Variants in ADD3 observed in about 807,000 individuals in gnomAD.
ADD3 encodes the protein adducin 3.
Under a neutral mutation model 80.2 loss-of-function variants are expected in ADD3, and 25 were observed. The observed-to-expected ratio is 0.31, with a 90% CI of 0.23 to 0.44. ADD3 has a LOEUF of 0.44. Ranked by LOEUF, ADD3 falls within the 20% of genes least tolerant of loss-of-function variation. The pLI is 1.00. For missense variants in ADD3, 829 were observed against 847.5 expected (o/e 0.98, Z 0.27); for synonymous variants, 284 against 289.6 (o/e 0.98, Z 0.20).
intron 1 of ADD3, among the ~76,000 whole-genome samples, chr10:110,071,361 T>G (rs977382008): frequency 8.5e-5 from 13 of 152,196 alleles, no homozygotes; most frequent in Non-Finnish European, 1.8e-4. Context: ...TAATCAACAG[T>G]AATGTATACT....
chr10:110,099,286 T>A (rs1307943430), intron 1 of ADD3, among the ~76,000 whole-genome samples: 1 of 151,952 alleles, frequency 6.6e-6, no homozygotes, highest in Non-Finnish European at 1.5e-5. Flanking sequence ...GTACTATTTT[T>A]AAAATATTAA....
At chr10:110,130,993 C>T (rs1431067889) in intron 13 of ADD3, among the ~76,000 whole-genome samples, 1 of 152,052 alleles carries the variant, frequency 6.6e-6, no homozygotes, top group Non-Finnish European at 1.5e-5. Flanking sequence ...TGGATTTAAA[C>T]ATTTCATAAT....
intron 5 of ADD3, among the ~76,000 whole-genome samples, chr10:110,118,264 G>C (rs1851034872): frequency 6.6e-6 from 1 of 152,290 alleles, no homozygotes; most frequent in Non-Finnish European, 1.5e-5. Context: ...ATACATGCCA[G>C]ACTTGTTCAG....
intron 1 of ADD3, among the ~76,000 whole-genome samples, chr10:110,065,506 C>G (rs1275821958): frequency 2.3e-5 from 3 of 130,882 alleles, no homozygotes; most frequent in South Asian, 2.5e-4. Flanking sequence ...CTCTCTCTCT[C>G]TCTCTCATTT....
intron 1 of ADD3, among the ~76,000 whole-genome samples, chr10:110,058,312 A>G (rs1858462510): frequency 6.6e-6 from 1 of 152,144 alleles, no homozygotes; most frequent in African/African-American, 2.4e-5. Context: ...CTAAGAAGTC[A>G]TCCTTTTCCT....
intron 1 of ADD3, among the ~76,000 whole-genome samples, chr10:110,048,421 A>G (rs1857137760): frequency 6.6e-6 from 1 of 152,196 alleles, no homozygotes; most frequent in South Asian, 2.1e-4. Flanking sequence ...AGAGGTTGGA[A>G]CCATTTGGAG....
At chr10:110,109,986 C>G (rs944672136) in intron 2 of ADD3, among the ~76,000 whole-genome samples, 7 of 152,110 alleles carry the variant, frequency 4.6e-5, no homozygotes, top group African/African-American at 1.7e-4. Flanking sequence ...TTTAAATGAA[C>G]TAGATACCGG....
At position 110,116,304 on chromosome 10, in the gene ADD3, C is replaced by T. The variant is rs1336365358; in HGVS notation, c.380C>T (p.Thr127Ile). The T allele has an allele frequency of 1.2e-6, 2 of 1,614,028 alleles. No homozygotes were observed. The highest frequency in any genetic ancestry group is 8.5e-7 in the Non-Finnish European group (1 of 1,180,016). ...TPINDLPGAD[T>I]SSYVKGEKLT... is the part of the protein sequence containing the mutation. Reference sequence around the variant, plus strand: ...ATCAATGACCTTCCTGGTGCAGATACATCCTCATATGTGAAGGGAGAAAAA... The same window carrying T: ...ATCAATGACCTTCCTGGTGCAGATATATCCTCATATGTGAAGGGAGAAAAA... The change falls in exon 4 of 15, where the codon ACA becomes ATA. Residue 127 changes from threonine (T) to isoleucine (I), a missense_variant. By Grantham distance (89) the Thr-to-Ile change is moderately conservative (BLOSUM62 -1). Transcript: ENST00000356080.
At chr10:109,997,943 G>C (rs1246528548) in intron 1 of ADD3, among the ~76,000 whole-genome samples, 1 of 152,152 alleles carries the variant, frequency 6.6e-6, no homozygotes, top group East Asian at 1.9e-4. Context: ...ACTTAAATTT[G>C]AGAACTACTG....
At chr10:110,007,542 G>C (rs1479709661), upstream of ADD3, among the ~76,000 whole-genome samples, 3 of 152,162 alleles carry the variant, frequency 2.0e-5, no homozygotes, top group African/African-American at 7.2e-5. Context: ...CCCCTTCGCG[G>C]TCGGGTTTCT....
intron 1 of ADD3, among the ~76,000 whole-genome samples, chr10:110,044,427 T>A (rs1055861746): frequency 6.6e-6 from 1 of 152,256 alleles, no homozygotes; most frequent in African/African-American, 2.4e-5. Context: ...GCTTATCATA[T>A]GATTTTTGAG....
intron 1 of ADD3, among the ~76,000 whole-genome samples, chr10:110,008,925 C>T (rs1851988842): frequency 6.6e-6 from 1 of 152,120 alleles, no homozygotes; most frequent in African/African-American, 2.4e-5. Flanking sequence ...GGGTGACAAG[C>T]GAAGTTGGCA....
At chr10:110,016,417 A>G (rs1391312944) in intron 1 of ADD3, 5 of 152,258 alleles carry the variant, frequency 3.3e-5, no homozygotes, top group Non-Finnish European at 4.4e-5. Context: ...ATGGGAAAAG[A>G]GAAACCTGAA....
chr10:110,052,742 T>G (rs1857664600), intron 1 of ADD3, among the ~76,000 whole-genome samples: 1 of 152,226 alleles, frequency 6.6e-6, no homozygotes, highest in African/African-American at 2.4e-5. Context: ...GTGAATAGTT[T>G]TATTTTTAAG....
intron 13 of ADD3, 33 bp downstream of exon 13, chr10:110,130,519 G>A: frequency 6.2e-7 from 1 of 1,607,108 alleles, no homozygotes; most frequent in Non-Finnish European, 8.5e-7. Flanking sequence ...CCTAGGGTAA[G>A]CCACACTGAT....
intron 1 of ADD3, among the ~76,000 whole-genome samples, chr10:110,093,158 C>T (rs1417101014): frequency 1.3e-5 from 2 of 152,146 alleles, no homozygotes; most frequent in Non-Finnish European, 2.9e-5. Flanking sequence ...CACACCTGGC[C>T]AGAGTTGTAA....
At chr10:110,091,764 G>A (rs570389902) in intron 1 of ADD3, among the ~76,000 whole-genome samples, 2 of 152,220 alleles carry the variant, frequency 1.3e-5, no homozygotes, top group Admixed American at 1.3e-4. Flanking sequence ...CATAATTAAA[G>A]AGCCTTCTGC....
intron 1 of ADD3, among the ~76,000 whole-genome samples, chr10:110,022,992 T>G (rs906701144): frequency 2.6e-5 from 4 of 152,088 alleles, no homozygotes; most frequent in African/African-American, 9.7e-5. Flanking sequence ...TTTAAGAAAT[T>G]TAGATTTTAT....
intron 1 of ADD3, among the ~76,000 whole-genome samples, chr10:110,065,660 C>T (rs575916768): frequency 6.6e-6 from 1 of 150,422 alleles, no homozygotes; most frequent in South Asian, 2.1e-4. Context: ...CTGCCTCAGC[C>T]TCCTGAGTAG....
Sources: gnomAD v4.1 joint callset for allele counts (sites outside exome capture counted in the v4.1 genomes callset) on GRCh38, gnomAD v4.1.1 for gene constraint, MANE v1.5 for transcripts, NCBI Gene and HGNC (gene_info 2026-07-23, HGNC 2026-07-21) for gene names.